Variants in AGMO observed in about 807,000 individuals in gnomAD.
The protein encoded by AGMO is glyceryl-ether monooxygenase.
A neutral mutation model predicts 60.2 loss-of-function variants in AGMO; 75 were observed. The ratio of observed to expected loss-of-function variants is 1.25; its 90% CI spans 1.03 to 1.51. AGMO has a LOEUF of 1.51. Ranked by LOEUF, AGMO falls within the 40% of genes most tolerant of loss-of-function variation. The pLI is 0.00. For missense variants in AGMO, 763 were observed against 525.5 expected, an observed-to-expected ratio of 1.45 and a Z score of -4.42; for synonymous variants, 261 against 177.1, an observed-to-expected ratio of 1.47 and a Z score of -3.76.
chr7:15,292,387 G>C (rs570257418), intron 12 of AGMO, among the ~76,000 whole-genome samples: 2 of 152,240 alleles, frequency 1.3e-5, no homozygotes, highest in East Asian at 3.9e-4. Flanking sequence ...CGGTTCTAGT[G>C]GGCTGAATGG....
chr7:15,168,259 C>T, the AGMO span, among the ~76,000 whole-genome samples: 1 of 152,098 alleles, frequency 6.6e-6, no homozygotes, highest in African/African-American at 2.4e-5. Flanking sequence ...CGCCAGCATA[C>T]GCTGGTGGTA....
At chr7:15,303,721 C>T (rs1208140157) in intron 12 of AGMO, among the ~76,000 whole-genome samples, 1 of 152,082 alleles carries the variant, frequency 6.6e-6, no homozygotes, top group Non-Finnish European at 1.5e-5. Context: ...GAACTTGATA[C>T]AAGCTATGGA....
chr7:15,134,093 T>A, the AGMO span, among the ~76,000 whole-genome samples: 3 of 152,198 alleles, frequency 2.0e-5, no homozygotes, highest in Non-Finnish European at 2.9e-5. Context: ...GTAGACTGCA[T>A]GTCACAGGGG....
chr7:15,162,644 T>G, the AGMO span, among the ~76,000 whole-genome samples: 1 of 152,068 alleles, frequency 6.6e-6, no homozygotes, highest in Non-Finnish European at 1.5e-5. Flanking sequence ...CATTGAGCTG[T>G]AATAGCACCA....
intron 12 of AGMO, among the ~76,000 whole-genome samples, chr7:15,248,214 A>ATATATATATATACATATATATG (rs1402723880): frequency 1.4e-5 from 1 of 71,160 alleles, no homozygotes; most frequent in Non-Finnish European, 3.0e-5. Flanking sequence ...ATATATATAT[A>ATATATATATATACATATATATG]TATATATATA....
chr7:15,516,923 A>G (rs1328946022), intron 3 of AGMO, among the ~76,000 whole-genome samples: 1 of 152,172 alleles, frequency 6.6e-6, no homozygotes, highest in Non-Finnish European at 1.5e-5. Flanking sequence ...ATAAAGAGAA[A>G]GAGTCTCCAC....
chr7:15,299,959 G>A (rs1006986181), intron 12 of AGMO, among the ~76,000 whole-genome samples: 1 of 151,294 alleles, frequency 6.6e-6, no homozygotes, highest in South Asian at 2.1e-4. Context: ...AGACTATATG[G>A]GCAAATAGTT....
the AGMO span, among the ~76,000 whole-genome samples, chr7:15,117,843 T>A: frequency 6.6e-6 from 1 of 151,950 alleles, no homozygotes; most frequent in Non-Finnish European, 1.5e-5. Context: ...GAGAATCTAG[T>A]ATATTATGGT....
At chr7:15,295,435 G>GTTTAA (rs1371815613) in intron 12 of AGMO, among the ~76,000 whole-genome samples, 1 of 152,020 alleles carries the variant, frequency 6.6e-6, no homozygotes, top group Non-Finnish European at 1.5e-5. Context: ...AGAAATTGTG[G>GTTTAA]TTTAATATAT....
chr7:15,251,064 T>C (rs992545140), intron 12 of AGMO, among the ~76,000 whole-genome samples: 1 of 152,156 alleles, frequency 6.6e-6, no homozygotes, highest in Non-Finnish European at 1.5e-5. Flanking sequence ...AGGCCTGTTT[T>C]GCTTAAATAT....
At chr7:15,526,320 A>T (rs924866771) in intron 3 of AGMO, among the ~76,000 whole-genome samples, 15 of 152,198 alleles carry the variant, frequency 9.9e-5, no homozygotes, top group African/African-American at 3.6e-4. Flanking sequence ...GCAGGCCATC[A>T]ATCTTGCTAC....
At chr7:15,547,406 C>T (rs988852800) in intron 2 of AGMO, among the ~76,000 whole-genome samples, 2 of 151,994 alleles carry the variant, frequency 1.3e-5, no homozygotes, top group African/African-American at 2.4e-5. Context: ...TCTGAGGTAC[C>T]GGGTTCATCT....
intron 3 of AGMO, among the ~76,000 whole-genome samples, chr7:15,531,439 TTCTATATATATTC>T (rs1784346850): frequency 3.4e-5 from 2 of 59,460 alleles, no homozygotes; most frequent in African/African-American, 1.6e-4. Context: ...TATATATATA[TTCTATATATATTC>T]TCTATATATA....
At chr7:15,383,697 T>TA (rs1294524632) in intron 10 of AGMO, among the ~76,000 whole-genome samples, 3 of 152,190 alleles carry the variant, frequency 2.0e-5, no homozygotes, top group African/African-American at 7.2e-5. Context: ...TTTAACTAGA[T>TA]AGACTCATGC....
chr7:15,354,276 A>G (rs1479143640), intron 12 of AGMO, among the ~76,000 whole-genome samples: 5 of 135,310 alleles, frequency 3.7e-5, no homozygotes, highest in East Asian at 2.1e-4. Context: ...TGATAGATGT[A>G]TATCACGAAT....
the AGMO span, among the ~76,000 whole-genome samples, chr7:15,131,288 C>G: frequency 1.3e-5 from 2 of 152,090 alleles, no homozygotes; most frequent in South Asian, 2.1e-4. Flanking sequence ...GGAGTTAGAG[C>G]TCCATAACTT....
At chr7:15,181,321 C>T in the AGMO span, among the ~76,000 whole-genome samples, 3 of 151,992 alleles carry the variant, frequency 2.0e-5, no homozygotes. Flanking sequence ...ATTTTAATGC[C>T]CACATTTTAT....
chr7:15,170,675 A>G, the AGMO span, among the ~76,000 whole-genome samples: 1 of 152,154 alleles, frequency 6.6e-6, no homozygotes, highest in African/African-American at 2.4e-5. Context: ...AGTTGTCATA[A>G]TTAATGAACC....
At chr7:15,377,750 T>C (rs1179068426) in intron 10 of AGMO, among the ~76,000 whole-genome samples, 1 of 152,044 alleles carries the variant, frequency 6.6e-6, no homozygotes, top group African/African-American at 2.4e-5. Flanking sequence ...ATTAATGATG[T>C]AGATTTTAGT....
Sources: allele counts gnomAD v4.1 joint callset (sites outside exome capture counted in the v4.1 genomes callset), GRCh38; gene constraint gnomAD v4.1.1; transcripts MANE v1.5; gene names NCBI Gene and HGNC (gene_info 2026-07-23, HGNC 2026-07-21).